The following PHLPP1 variants were observed in gnomAD, a reference collection of about 807,000 sequenced individuals.
PHLPP1 encodes PH domain and leucine rich repeat protein phosphatase 1.
Under a neutral mutation model 117.2 loss-of-function variants are expected in PHLPP1, and 42 were observed. The ratio of observed to expected loss-of-function variants is 0.36; its 90% CI spans 0.28 to 0.46. The LOEUF is 0.46. PHLPP1 is among the 20% of genes least tolerant of loss of function. PHLPP1 has a pLI of 1.00. For missense variants in PHLPP1, 2,084 were observed against 2,241.9 expected (o/e 0.93, Z 1.42); for synonymous variants, 1,042 against 970.7 (o/e 1.07, Z -1.37).
chr18:62,749,720 A>G (rs558612565), intron 1 of PHLPP1, among the ~76,000 whole-genome samples: 12 of 152,268 alleles, frequency 7.9e-5, no homozygotes, highest in African/African-American at 2.4e-4. Context: ...ATTTCTTCTT[A>G]TAAGAATACC....
chr18:62,722,502 T>C (rs1315843311), intron 1 of PHLPP1, among the ~76,000 whole-genome samples: 3 of 152,176 alleles, frequency 2.0e-5, no homozygotes, highest in Admixed American at 2.0e-4. Context: ...AAGTCTTTTT[T>C]TTTCTTTAAA....
chr18:62,892,396 C>T (rs1916450388), intron 4 of PHLPP1, among the ~76,000 whole-genome samples: 2 of 151,570 alleles, frequency 1.3e-5, no homozygotes, highest in South Asian at 2.1e-4. Flanking sequence ...GCCAGAGTGT[C>T]GTTGTCTTCT....
At position 62,972,623 on chromosome 18, in the gene PHLPP1, A is replaced by C; in HGVS notation, c.3670A>C (p.Thr1224Pro). 6.2e-7 allele frequency: 1 copy of C among 1,613,978 alleles called. No homozygotes were observed. The change falls in exon 15 of 17, where the codon ACT becomes CCT. Residue 1224 changes from threonine (T) to proline (P), a missense_variant. By Grantham distance (38) the Thr-to-Pro change is conservative. Transcript: ENST00000262719. ...GGAGGTGCCCTACCTTCTCCAGTGC[A>C]CTATGAGTGACATTTTGGCTGAAGA... ...NVEVPYLLQC[T>P]MSDILAEELQ...
intron 3 of PHLPP1, 167 bp downstream of exon 3, chr18:62,839,076 T>A: frequency 1.5e-6 from 1 of 652,136 alleles, no homozygotes; most frequent in Non-Finnish European, 2.5e-6. Context: ...TAATTTTGCC[T>A]GAAAAGTGGC....
chr18:62,941,632 C>A, intron 10 of PHLPP1, 86 bp from the exon 11 acceptor site: 3 of 895,570 alleles, frequency 3.3e-6, no homozygotes, highest in Non-Finnish European at 5.2e-6. Flanking sequence ...ATCCCAGCTT[C>A]TAATATGCCT....
intron 1 of PHLPP1, among the ~76,000 whole-genome samples, chr18:62,721,313 C>T (rs191649770): frequency 3.7e-4 from 57 of 152,088 alleles, no homozygotes; most frequent in Non-Finnish European, 5.7e-4. Flanking sequence ...TTAAAGTTTA[C>T]GTAATAGTTC....
intron 1 of PHLPP1, among the ~76,000 whole-genome samples, chr18:62,798,217 C>T (rs1913679022): frequency 2.0e-5 from 3 of 152,176 alleles, no homozygotes; most frequent in South Asian, 2.1e-4. Flanking sequence ...TCAGGTGATC[C>T]TGATGCTGCT....
At chr18:62,771,848 C>G (rs1013415084) in intron 1 of PHLPP1, among the ~76,000 whole-genome samples, 1 of 152,246 alleles carries the variant, frequency 6.6e-6, no homozygotes, top group Non-Finnish European at 1.5e-5. Context: ...GCCATTTTCA[C>G]CAGTCATCAA....
chr18:62,890,298 G>T (rs1916375312), intron 4 of PHLPP1, among the ~76,000 whole-genome samples: 1 of 151,762 alleles, frequency 6.6e-6, no homozygotes, highest in African/African-American at 2.4e-5. Flanking sequence ...ATGGAGTCTT[G>T]CTTTGTCACC....
chr18:62,834,103 T>TG (rs1366970727), intron 2 of PHLPP1, among the ~76,000 whole-genome samples: 1 of 151,982 alleles, frequency 6.6e-6, no homozygotes, highest in Non-Finnish European at 1.5e-5. Flanking sequence ...TCAGTGGGGT[T>TG]GGGGGGTGGG....
chr18:62,895,724 TA>T (rs144369901), intron 5 of PHLPP1, 56 bp from the exon 6 acceptor site: 86,234 of 1,070,962 alleles, frequency 0.081, 4,186 homozygotes, highest in Middle Eastern at 0.11. Context: ...TGTATGTTGA[TA>T]ATAAAGATGT....
At position 62,978,303 on chromosome 18, in the gene PHLPP1, G is replaced by A. The variant is rs1911257420; in HGVS notation, c.4026G>A (p.Leu1342=). 1.2e-6 allele frequency: 2 copies of A among 1,612,638 alleles called. No individual in the cohort carries two copies. The highest frequency in any genetic ancestry group is 1.7e-6 in the Non-Finnish European group (2 of 1,179,116). ...GAGTGACTGAGTCCACGCGCATCCT[G>A]GGCTACACCTTCCTCCATCCCAGTG... is the stretch of plus-strand genomic sequence containing the variant. ...VNGVTESTRI[L]GYTFLHPSVV... Residue 1342 remains leucine (L), a synonymous_variant, in exon 17 of 17, where the codon CTG becomes CTA. Coordinates refer to ENST00000262719, the MANE Select transcript of PHLPP1 (RefSeq NM_194449.4). The surrounding 1 kb of genome is among the most constrained non-coding windows in gnomAD (Gnocchi z 7.0).
chr18:62,903,992 G>C (rs945069056), intron 7 of PHLPP1, among the ~76,000 whole-genome samples: 2 of 152,188 alleles, frequency 1.3e-5, no homozygotes, highest in Non-Finnish European at 2.9e-5. Context: ...ATGAAAACAA[G>C]TGTTCACTAC....
intron 1 of PHLPP1, among the ~76,000 whole-genome samples, chr18:62,796,642 A>G (rs1913637874): frequency 6.6e-6 from 1 of 152,242 alleles, no homozygotes; most frequent in African/African-American, 2.4e-5. Context: ...GGTTATTAGA[A>G]TAGAAAAAGT....
At chr18:62,924,909 C>CT (rs1909579872) in intron 10 of PHLPP1, among the ~76,000 whole-genome samples, 1 of 151,442 alleles carries the variant, frequency 6.6e-6, no homozygotes, top group South Asian at 2.1e-4. Flanking sequence ...TAGCAGGAAG[C>CT]TATTTGGTAA....
chr18:62,721,458 ATGTG>A (rs950974504), intron 1 of PHLPP1, among the ~76,000 whole-genome samples: 1 of 147,100 alleles, frequency 6.8e-6, no homozygotes, highest in African/African-American at 2.5e-5. Context: ...GTGTGTGTGT[ATGTG>A]TGACAGTTCA....
chr18:62,793,816 C>G (rs916026300), intron 1 of PHLPP1, among the ~76,000 whole-genome samples: 3 of 152,298 alleles, frequency 2.0e-5, no homozygotes, highest in African/African-American at 7.2e-5. Context: ...TGGTAATTCC[C>G]TGCTCTACCT....
chr18:62,796,966 A>G (rs1182150673), intron 1 of PHLPP1, among the ~76,000 whole-genome samples: 1 of 152,238 alleles, frequency 6.6e-6, no homozygotes, highest in Non-Finnish European at 1.5e-5. Flanking sequence ...TCAAGCCCAG[A>G]TTGCCATTTC....
intron 1 of PHLPP1, among the ~76,000 whole-genome samples, chr18:62,732,145 T>C (rs533659586): frequency 6.6e-6 from 1 of 152,230 alleles, no homozygotes; most frequent in African/African-American, 2.4e-5. Flanking sequence ...TCAGTGTAGA[T>C]GGATGAAGCA....
Sources: gnomAD v4.1 joint callset for allele counts (sites outside exome capture counted in the v4.1 genomes callset) on GRCh38, gnomAD v4.1.1 for gene constraint, Gnocchi (gnomAD v3.1) non-coding constraint, MANE v1.5 for transcripts, NCBI Gene and HGNC (gene_info 2026-07-23, HGNC 2026-07-21) for gene names.